The following UPF1 variants were observed in gnomAD, a reference collection of about 807,000 sequenced individuals.
The protein encoded by UPF1 is regulator of nonsense transcripts 1.
Under a neutral mutation model 129.2 loss-of-function variants are expected in UPF1, and 9 were observed. The observed-to-expected ratio is 0.07, with a 90% CI of 0.04 to 0.12. The LOEUF (loss-of-function observed/expected upper bound fraction) is 0.12. Ranked by LOEUF, UPF1 falls within the 10% of genes least tolerant of loss-of-function variation. The probability of loss-of-function intolerance (pLI) is 1.00; values close to 1 mark genes in which losing one functional copy is unlikely to be tolerated. For missense variants in UPF1, 788 were observed against 1,525.3 expected (o/e 0.52, Z 8.05); for synonymous variants, 649 against 644.9 (o/e 1.01, Z -0.10).
Position 18,855,138 on chromosome 19 carries a change from G to A in UPF1, c.1440G>A (p.Lys480=), listed in dbSNP as rs762883186. The change falls in exon 11 of 24, where the codon AAG becomes AAA. Residue 480 remains lysine (K), a synonymous_variant. Transcript: ENST00000262803. ...DLNHSQVYAV[K]TVLQRPLSLI... is the part of the protein sequence containing the mutation. ...TTGTATTGAAGGTTTATGCCGTGAA[G>A]ACTGTGCTGCAAAGACCACTGAGCC... 6.2e-6 allele frequency: 10 copies of A among 1,613,966 alleles called. No individual in the cohort carries two copies. Among genetic ancestry groups the A allele is most frequent in the Non-Finnish European group, 7.6e-6 (9 of 1,179,956 alleles).
rs575461697 is a variant in UPF1 at position 18,832,009 on chromosome 19, C to T, written c.-201C>T. The T allele has an allele frequency of 8.5e-6, 3 of 352,290 alleles. No individual in the cohort carries two copies. The highest frequency in any genetic ancestry group is 2.2e-5 in the African/African-American group (1 of 46,040). The allele number at this position is 352,290 out of a possible 1,614,324, so 21.8% of individuals were successfully genotyped here. ...CTGGCGGCTTCGAGGGGAGCTGAGGCGCGGAGGGGCTCGGCGGCAGCGGCG... is the reference window on the plus strand; with the variant it reads ...CTGGCGGCTTCGAGGGGAGCTGAGGTGCGGAGGGGCTCGGCGGCAGCGGCG... On this transcript the variant is annotated 5_prime_UTR_variant, in exon 1 of 24. Coordinates refer to ENST00000262803, the MANE Select transcript of UPF1 (RefSeq NM_002911.4). The surrounding 1 kb of genome is among the most constrained non-coding windows in gnomAD (Gnocchi z 5.6).
At chr19:18,863,241 T>C in intron 18 of UPF1, 197 bp from the exon 19 acceptor site, 1 of 645,900 alleles carries the variant, frequency 1.5e-6, no homozygotes, top group Non-Finnish European at 2.6e-6. Flanking sequence ...GGCCACAAAA[T>C]CAACCCGTGT....
chr19:18,863,600 C>T lies in UPF1; in HGVS notation c.2763C>T (p.Asn921=). The change falls in exon 19 of 24, where the codon AAC becomes AAT. Residue 921 remains asparagine (N), a synonymous_variant. Coordinates refer to ENST00000262803, the MANE Select transcript of UPF1 (RefSeq NM_002911.4). ...MQFSKPRKLV[N]TINPGARFMT... is the part of the protein sequence containing the mutation. Reference sequence around the variant, plus strand: ...TCAGCAAGCCACGGAAGCTGGTCAACACTATCAACCCGGTGAGCGCCTGCA... The same window carrying T: ...TCAGCAAGCCACGGAAGCTGGTCAATACTATCAACCCGGTGAGCGCCTGCA... 1.2e-6 allele frequency: 2 copies of T among 1,613,490 alleles called. No homozygotes were observed. The highest frequency in any genetic ancestry group is 1.7e-6 in the Non-Finnish European group (2 of 1,179,820).
At chr19:18,849,838 T>A (rs1051230254) in intron 3 of UPF1, 9 of 547,808 alleles carry the variant, frequency 1.6e-5, no homozygotes, top group Non-Finnish European at 2.9e-5. Flanking sequence ...GCAGGAACTA[T>A]GTGAACCGTG....
rs1405130750 is a variant in UPF1, at chr19:18,831,994, C to G, written c.-216C>G. The G allele has an allele frequency of 6.4e-6, 2 of 310,842 alleles. No individual in the cohort carries two copies. Among genetic ancestry groups the G allele is most frequent in the Non-Finnish European group, 1.2e-5 (2 of 173,530 alleles). The allele number at this position is 310,842 out of a possible 1,614,324, so 19.3% of individuals were successfully genotyped here. ...CTAGGCTGCGAGCGGCTGGCGGCTT[C>G]GAGGGGAGCTGAGGCGCGGAGGGGC... On this transcript the variant is annotated 5_prime_UTR_variant, in exon 1 of 24. Transcript: ENST00000262803.
rs763168331 is a variant in UPF1 at position 18,850,896 on chromosome 19, G to A, written c.810+28G>A. 7.2e-6 allele frequency: 11 copies of A among 1,517,698 alleles called. No homozygotes were observed. In the South Asian group the frequency reaches 1.1e-4, roughly 16 times the overall value. The allele number at this position is 1,517,698 out of a possible 1,614,324, so 94.0% of individuals were successfully genotyped here. A position where few individuals can be genotyped will look rare whatever the true frequency, so the allele number is the denominator to read the frequency against. On this transcript the variant is annotated intron_variant, in intron 5 of 23. Coordinates refer to ENST00000262803, the MANE Select transcript of UPF1 (RefSeq NM_002911.4). The surrounding 1 kb of genome is among the most constrained non-coding windows in gnomAD (Gnocchi z 7.1). ...GGGGCTGCCCAGCGGGCCGACCCGT[G>A]CCTTCGTGTGGTTTCTGGTTGCGGG...
Sources: gnomAD v4.1 joint callset for allele counts on GRCh38, gnomAD v4.1.1 for gene constraint, Gnocchi (gnomAD v3.1) non-coding constraint, MANE v1.5 for transcripts, NCBI Gene and HGNC (gene_info 2026-07-23, HGNC 2026-07-21) for gene names.